Variants in UVSSA observed in about 807,000 individuals in gnomAD.
UVSSA encodes UV stimulated scaffold protein A, also known as UV-stimulated scaffold protein A.
UVSSA carries 72 observed loss-of-function variants against 73.9 expected under a neutral mutation model. The ratio of observed to expected loss-of-function variants is 0.97; its 90% confidence interval spans 0.81 to 1.19. The LOEUF is 1.19. Among genes scored for constraint, UVSSA ranks in the 50% most tolerant of loss-of-function variants. The pLI, the probability that UVSSA is intolerant of heterozygous loss-of-function variation, is 0.00. For missense variants in UVSSA, 1,150 were observed against 965.0 expected (o/e 1.19, Z -2.54); for synonymous variants, 454 against 391.3 (o/e 1.16, Z -1.89).
chr4:1,395,458 A>G lies in UVSSA; in HGVS notation c.*9497A>G, dbSNP rs547759244. ...GGAGTGCCCGCCTGCTCACGTGCCCATATGGAGTGCCCGCCTGCTCACACG... is the reference window on the plus strand; with the variant it reads ...GGAGTGCCCGCCTGCTCACGTGCCCGTATGGAGTGCCCGCCTGCTCACACG... On this transcript the variant is annotated 3_prime_UTR_variant, in exon 14 of 14. Transcript: ENST00000511216. The G allele has an allele frequency of 4.7e-5, 67 of 1,421,922 alleles. 2 individuals carry two copies. In the East Asian group the frequency reaches 2.3e-3, roughly 50 times the overall value. 88.1% of individuals were successfully genotyped at this position (1,421,922 alleles called of 1,614,324 possible). A position where few individuals can be genotyped will look rare whatever the true frequency, so the allele number is the denominator to read the frequency against.
chr4:1,394,986 C>A (rs573162478), exon 14 of UVSSA: 2 of 1,586,718 alleles, frequency 1.3e-6, no homozygotes, highest in African/African-American at 2.9e-5. Flanking sequence ...TGCCCGCCTG[C>A]TCACACGTGC....
At chr4:1,394,650 C>T in exon 14 of UVSSA, 1 of 1,519,208 alleles carries the variant, frequency 6.6e-7, no homozygotes. Context: ...CGCCTGCTCA[C>T]ACATGCCCAT....
intron 8 of UVSSA, among the ~76,000 whole-genome samples, chr4:1,373,827 C>T (rs749766860): frequency 6.6e-6 from 1 of 152,322 alleles, no homozygotes; most frequent in East Asian, 1.9e-4. Flanking sequence ...GTGTCTCACT[C>T]GTGCTGTGGC....
intron 4 of UVSSA, 40 bp from the exon 5 acceptor site, chr4:1,352,990 C>T (rs772389210): frequency 5.7e-6 from 9 of 1,567,594 alleles, no homozygotes; most frequent in South Asian, 1.2e-5. Flanking sequence ...TGCTTTTGCT[C>T]CACATAGCGC....
chr4:1,353,460 C>T (rs1321825451), intron 5 of UVSSA, 47 bp downstream of exon 5: 16 of 1,438,458 alleles, frequency 1.1e-5, no homozygotes, highest in Non-Finnish European at 1.4e-5. Flanking sequence ...GCCCCGGCTC[C>T]CGGGTAGGCT....
At chr4:1,376,422 T>C (rs1158253539) in intron 10 of UVSSA, among the ~76,000 whole-genome samples, 4 of 152,290 alleles carry the variant, frequency 2.6e-5, no homozygotes, top group South Asian at 2.1e-4. Flanking sequence ...TTGGGTGTTA[T>C]GAATCTTGTG....
At chr4:1,379,429 A>G (rs1371178435) in intron 10 of UVSSA, among the ~76,000 whole-genome samples, 2 of 152,174 alleles carry the variant, frequency 1.3e-5, no homozygotes, top group African/African-American at 4.8e-5. Context: ...TCCGCCGGAA[A>G]GCGTCCCTAA....
intron 7 of UVSSA, among the ~76,000 whole-genome samples, chr4:1,360,765 G>A (rs996185330): frequency 9.8e-5 from 15 of 152,300 alleles, no homozygotes; most frequent in African/African-American, 3.6e-4. Flanking sequence ...AGCTTTCTCC[G>A]CAGAGCTCGG....
At chr4:1,345,230 A>G (rs1435574207), upstream of UVSSA, among the ~76,000 whole-genome samples, 1 of 152,060 alleles carries the variant, frequency 6.6e-6, no homozygotes, top group Non-Finnish European at 1.5e-5. Context: ...TCAGATCTGG[A>G]TGTGTTCTGA....
At chr4:1,367,832 A>G (rs1301785840) in intron 8 of UVSSA, among the ~76,000 whole-genome samples, 5 of 150,104 alleles carry the variant, frequency 3.3e-5, no homozygotes, top group Non-Finnish European at 1.5e-5. Context: ...CTGTGCCCTC[A>G]TCGGGCTTCC....
chr4:1,376,554 A>G (rs1023086496), intron 10 of UVSSA, among the ~76,000 whole-genome samples: 1 of 152,104 alleles, frequency 6.6e-6, no homozygotes, highest in Non-Finnish European at 1.5e-5. Flanking sequence ...GCAGCTGCTC[A>G]CGGTGACCGT....
At chr4:1,395,546 C>G in exon 14 of UVSSA, 8 of 1,603,180 alleles carry the variant, frequency 5.0e-6, no homozygotes, top group Non-Finnish European at 5.9e-6. Flanking sequence ...CCTGCTCACA[C>G]GTGCCCATGT....
At chr4:1,390,782 A>G (rs888579938), downstream of UVSSA, 4 of 152,300 alleles carry the variant, frequency 2.6e-5, no homozygotes, top group South Asian at 8.3e-4. Flanking sequence ...GTAGTGTTGT[A>G]TAGACACCTG....
chr4:1,360,906 G>A (rs369130435), intron 7 of UVSSA, among the ~76,000 whole-genome samples: 4 of 152,220 alleles, frequency 2.6e-5, no homozygotes, highest in African/African-American at 9.6e-5. Context: ...ACTGCACCCA[G>A]TGCTCCTGCT....
At chr4:1,389,083 G>A (rs538409244), downstream of UVSSA, 1 of 152,212 alleles carries the variant, frequency 6.6e-6, no homozygotes, top group South Asian at 2.1e-4. Flanking sequence ...CCCTAATTCA[G>A]TATCTTCATT....
At chr4:1,394,278 T>G in exon 14 of UVSSA, 1 of 799,908 alleles carries the variant, frequency 1.3e-6, no homozygotes, top group Non-Finnish European at 1.9e-6. Flanking sequence ...TTTCATGAGT[T>G]ATGTAGTTGA....
At chr4:1,346,625 G>C (rs1454781939), upstream of UVSSA, among the ~76,000 whole-genome samples, 1 of 152,100 alleles carries the variant, frequency 6.6e-6, no homozygotes, top group Non-Finnish European at 1.5e-5. Flanking sequence ...AGGCCGGAGC[G>C]GGGAGGCGCC....
intron 13 of UVSSA, 192 bp downstream of exon 13, chr4:1,384,132 A>G (rs1040104051): frequency 1.5e-6 from 1 of 682,628 alleles, no homozygotes. Context: ...GGCAGCAGGC[A>G]GGTCTGCTCA....
intron 13 of UVSSA, 140 bp from the exon 14 acceptor site, chr4:1,385,728 T>G: frequency 1.2e-6 from 1 of 819,252 alleles, no homozygotes; most frequent in Non-Finnish European, 2.0e-6. Context: ...TCTCTGAAGG[T>G]GGCACCCACA....
Sources: gnomAD v4.1 joint callset for allele counts (sites outside exome capture counted in the v4.1 genomes callset) on GRCh38, gnomAD v4.1.1 for gene constraint, MANE v1.5 for transcripts, NCBI Gene and HGNC (gene_info 2026-07-23, HGNC 2026-07-21) for gene names.